The following FSTL5 variants were observed in gnomAD, a reference collection of about 807,000 sequenced individuals.
The protein encoded by FSTL5 is follistatin-related protein 5.
Under a neutral mutation model 89.1 loss-of-function variants are expected in FSTL5, and 62 were observed. The observed-to-expected ratio is 0.70, with a 90% CI of 0.57 to 0.86. The LOEUF is 0.86. FSTL5 is among the 40% of genes least tolerant of loss of function. The probability of loss-of-function intolerance (pLI) is 0.00; values close to 1 mark genes in which losing one functional copy is unlikely to be tolerated. For missense variants in FSTL5, 1,057 were observed against 1,001.6 expected (o/e 1.06, Z -0.75); for synonymous variants, 383 against 346.2 (o/e 1.11, Z -1.18).
At chr4:161,456,444 CGTATG>C (rs1379478941) in intron 14 of FSTL5, among the ~76,000 whole-genome samples, 1 of 152,012 alleles carries the variant, frequency 6.6e-6, no homozygotes, top group Non-Finnish European at 1.5e-5. Context: ...TTGACGAAGA[CGTATG>C]GATAAAATTA....
intron 8 of FSTL5, among the ~76,000 whole-genome samples, chr4:161,557,228 A>G (rs1732425709): frequency 6.6e-6 from 1 of 151,514 alleles, no homozygotes; most frequent in Admixed American, 6.6e-5. Flanking sequence ...TAAAAATTAT[A>G]TATAAATCAT....
intron 4 of FSTL5, among the ~76,000 whole-genome samples, chr4:161,912,465 A>T (rs1193258904): frequency 6.6e-6 from 1 of 152,028 alleles, no homozygotes; most frequent in Non-Finnish European, 1.5e-5. Context: ...ACAAGATCTG[A>T]TGGGTTTATC....
intron 15 of FSTL5, among the ~76,000 whole-genome samples, chr4:161,408,790 G>A (rs1169453619): frequency 6.6e-6 from 1 of 152,152 alleles, no homozygotes; most frequent in Non-Finnish European, 1.5e-5. Context: ...ACAATCAGAA[G>A]TATTAGCAGC....
At chr4:161,565,682 A>T (rs1732771587) in intron 8 of FSTL5, among the ~76,000 whole-genome samples, 1 of 150,114 alleles carries the variant, frequency 6.7e-6, no homozygotes, top group Non-Finnish European at 1.5e-5. Flanking sequence ...TTGTTAACCT[A>T]TTCTGTTATA....
At chr4:161,538,335 C>T (rs1313952062) in intron 9 of FSTL5, 35 bp from the exon 10 acceptor site, 43 of 1,612,196 alleles carry the variant, frequency 2.7e-5, no homozygotes, top group Non-Finnish European at 3.5e-5. Flanking sequence ...TTGTAAACTA[C>T]AATTTCAGTT....
intron 4 of FSTL5, among the ~76,000 whole-genome samples, chr4:161,777,981 C>A (rs943954441): frequency 6.6e-6 from 1 of 152,074 alleles, no homozygotes; most frequent in Non-Finnish European, 1.5e-5. Flanking sequence ...CTAAACCCAG[C>A]TACTCGGGAG....
chr4:161,905,798 G>A (rs1320066237), intron 4 of FSTL5, among the ~76,000 whole-genome samples: 1 of 152,148 alleles, frequency 6.6e-6, no homozygotes, highest in African/African-American at 2.4e-5. Context: ...GATTCAGTAT[G>A]TGGCTGAGCC....
intron 15 of FSTL5, among the ~76,000 whole-genome samples, chr4:161,400,148 T>C (rs1281054708): frequency 6.6e-6 from 1 of 152,110 alleles, no homozygotes; most frequent in East Asian, 1.9e-4. Flanking sequence ...AAAATAAACT[T>C]CCATATTTTT....
chr4:161,988,278 T>G (rs10011804), intron 3 of FSTL5, among the ~76,000 whole-genome samples: 53,441 of 151,830 alleles, frequency 0.35, 10,731 homozygotes, highest in Non-Finnish European at 0.43. Flanking sequence ...AAATCACAGA[T>G]AGGCAATGTG....
chr4:162,080,655 A>G (rs183391800), intron 2 of FSTL5, among the ~76,000 whole-genome samples: 2 of 151,740 alleles, frequency 1.3e-5, no homozygotes, highest in East Asian at 2.0e-4. Flanking sequence ...CGTATTTCTA[A>G]TTTCATTATC....
Position 161,386,263 on chromosome 4 carries a change from C to T in FSTL5, c.2028G>A (p.Gln676=), listed in dbSNP as rs1329677222. ...AGTCAGTTACACCGTCCACCATGAC[C>T]TGTGGGGAAACTGCTCCGGTGCTGT... ...KPDSTGAVSP[Q]VMVDGVTDSV... is the part of the protein sequence containing the mutation. The change falls in exon 16 of 16, where the codon CAG becomes CAA. Residue 676 remains glutamine, a synonymous_variant. Coordinates refer to ENST00000306100, the MANE Select transcript of FSTL5 (RefSeq NM_020116.5). 1.9e-6 allele frequency: 3 copies of T among 1,613,968 alleles called. No homozygotes were observed. The highest frequency in any genetic ancestry group is 2.7e-5 in the African/African-American group (2 of 75,014).
chr4:161,857,855 T>G (rs1280657272), intron 4 of FSTL5, among the ~76,000 whole-genome samples: 1 of 152,132 alleles, frequency 6.6e-6, no homozygotes, highest in African/African-American at 2.4e-5. Flanking sequence ...TTTCATCACC[T>G]TATGCTTTTC....
intron 6 of FSTL5, among the ~76,000 whole-genome samples, chr4:161,712,444 A>T (rs1453794891): frequency 6.6e-6 from 1 of 152,218 alleles, no homozygotes. Flanking sequence ...TGTTAAAAGC[A>T]AGTACCAGTT....
intron 13 of FSTL5, among the ~76,000 whole-genome samples, chr4:161,464,197 C>T (rs958831867): frequency 5.9e-5 from 9 of 152,250 alleles, no homozygotes; most frequent in East Asian, 3.9e-4. Context: ...GAACTGACAC[C>T]TCCCCAGTCT....
chr4:161,835,444 T>G (rs1336215813), intron 4 of FSTL5, among the ~76,000 whole-genome samples: 1 of 151,922 alleles, frequency 6.6e-6, no homozygotes, highest in Non-Finnish European at 1.5e-5. Context: ...AAAGCCAAAA[T>G]TGACAAATGG....
intron 15 of FSTL5, among the ~76,000 whole-genome samples, chr4:161,415,583 T>C (rs545662346): frequency 2.0e-4 from 30 of 152,006 alleles, no homozygotes; most frequent in African/African-American, 6.8e-4. Flanking sequence ...CCCACTTAGC[T>C]GCTTTGGCTT....
chr4:161,647,109 T>C (rs1267823776), intron 7 of FSTL5, among the ~76,000 whole-genome samples: 1 of 152,246 alleles, frequency 6.6e-6, no homozygotes. Context: ...CCTTATGTTT[T>C]CATTTAGGAA....
intron 4 of FSTL5, among the ~76,000 whole-genome samples, chr4:161,812,879 C>CAAAAAAAAAAAAAAAAAAAA (rs35183730): frequency 3.4e-4 from 14 of 41,566 alleles, no homozygotes; most frequent in Admixed American, 5.0e-4. Context: ...TAAATCCCAG[C>CAAAAAAAAAAAAAAAAAAAA]AAAAAAAAAA....
chr4:161,892,186 T>C (rs1733008718), intron 4 of FSTL5, among the ~76,000 whole-genome samples: 1 of 152,032 alleles, frequency 6.6e-6, no homozygotes, highest in African/African-American at 2.4e-5. Context: ...TGAACAACTA[T>C]CAGCTTCAAC....
Sources: gnomAD v4.1 joint callset for allele counts (sites outside exome capture counted in the v4.1 genomes callset) on GRCh38, gnomAD v4.1.1 for gene constraint, MANE v1.5 for transcripts, NCBI Gene and HGNC (gene_info 2026-07-23, HGNC 2026-07-21) for gene names.